FAM107A: variants seen among roughly 807,000 people sequenced by gnomAD.
FAM107A encodes family with sequence similarity 107 member A, also known as actin-associated protein FAM107A.
FAM107A carries 19 observed loss-of-function variants against 13.7 expected under a neutral mutation model. The observed-to-expected ratio is 1.38, with a 90% CI of 0.97 to 2.03. FAM107A has a LOEUF of 2.03. Among genes scored for constraint, FAM107A ranks in the 30% most tolerant of loss-of-function variants. The pLI is 0.00. For missense variants in FAM107A, 203 were observed against 184.4 expected (o/e 1.10, Z -0.58); for synonymous variants, 82 against 74.5 (o/e 1.10, Z -0.52).
chr3:58,583,583 T>C (rs2108059325), intron 1 of FAM107A, among the ~76,000 whole-genome samples: 2 of 151,450 alleles, frequency 1.3e-5, no homozygotes, highest in East Asian at 3.9e-4. Context: ...GATCCCGCCA[T>C]TGCACTCCAC....
chr3:58,612,039 G>A (rs1162995456), intron 1 of FAM107A, among the ~76,000 whole-genome samples: 2 of 151,918 alleles, frequency 1.3e-5, no homozygotes, highest in Non-Finnish European at 1.5e-5. Flanking sequence ...ATCTGACAAG[G>A]CCATGTTCTC....
chr3:58,614,763 C>A (rs2065886236), intron 1 of FAM107A, among the ~76,000 whole-genome samples: 1 of 152,022 alleles, frequency 6.6e-6, no homozygotes, highest in South Asian at 2.1e-4. Context: ...CCTTGGCCTC[C>A]CAAAGTGCTG....
In FAM107A at chr3:58,624,545, C is replaced by A. The variant is rs72876176; in HGVS notation, c.-70+2871G>T. On this transcript the variant is annotated intron_variant, in intron 1 of 3. Transcript: ENST00000465970. ...CCATTACAATGAAATGTCCAGCACTCTCCCTTCCATTGAGTAACAGCCATG... is the reference window on the plus strand; with the variant it reads ...CCATTACAATGAAATGTCCAGCACTATCCCTTCCATTGAGTAACAGCCATG... 2.0e-5 allele frequency among the ~76,000 whole-genome samples: 3 copies of A among 152,326 alleles called. No homozygotes were observed. In the East Asian group the frequency reaches 5.8e-4, roughly 29 times the overall value.
At chr3:58,627,526 C>T (rs2066031437) in exon 1 of FAM107A, 2 of 154,484 alleles carry the variant, frequency 1.3e-5, no homozygotes, top group Admixed American at 1.3e-4. Flanking sequence ...CTGGACAGCC[C>T]CATTAATAAT....
rs901678938 is a variant in FAM107A at position 58,566,408 on chromosome 3, A to G, written c.*180T>C. 1.7e-6 allele frequency: 1 copy of G among 573,684 alleles called. No individual in the cohort carries two copies. Among genetic ancestry groups the G allele is most frequent in the Non-Finnish European group, 3.1e-6 (1 of 325,302 alleles). The allele number at this position is 573,684 out of a possible 1,614,324, so 35.5% of individuals were successfully genotyped here. A position where few individuals can be genotyped will look rare whatever the true frequency, so the allele number is the denominator to read the frequency against. On this transcript the variant is annotated 3_prime_UTR_variant, in exon 4 of 4. Coordinates refer to ENST00000360997, the MANE Select transcript of FAM107A (RefSeq NM_001076778.3). ...TGGGTGCTTGGAAGGAAAACCTAGG[A>G]GCTTAGGGGCCCCAGCCTCCCAGGG...
At chr3:58,589,306 C>T (rs1326231086), upstream of FAM107A, 1 of 1,418,232 alleles carries the variant, frequency 7.1e-7, no homozygotes, top group East Asian at 2.5e-5. Flanking sequence ...GTTGAGGACC[C>T]TTGGTTCTTT....
At chr3:58,592,953 T>G (rs2065666047) in intron 1 of FAM107A, among the ~76,000 whole-genome samples, 1 of 152,196 alleles carries the variant, frequency 6.6e-6, no homozygotes, top group Non-Finnish European at 1.5e-5. Flanking sequence ...AATCTTCTCT[T>G]GCATACTCCA....
At chr3:58,589,916 C>T (rs2364309), upstream of FAM107A, among the ~76,000 whole-genome samples, 62,980 of 152,008 alleles carry the variant, frequency 0.41, 13,692 homozygotes, top group East Asian at 0.5. Flanking sequence ...GTTCCTTTGG[C>T]CTGGACTGCC....
chr3:58,579,545 G>T (rs1324560258), upstream of FAM107A, among the ~76,000 whole-genome samples: 4 of 152,086 alleles, frequency 2.6e-5, no homozygotes, highest in South Asian at 2.1e-4. Flanking sequence ...CTAGATTCTT[G>T]TCAAACCACT....
At chr3:58,614,955 A>G (rs2065887916) in intron 1 of FAM107A, among the ~76,000 whole-genome samples, 1 of 151,544 alleles carries the variant, frequency 6.6e-6, no homozygotes, top group Non-Finnish European at 1.5e-5. Context: ...ACAGGTGCAC[A>G]CTACCACATC....
intron 1 of FAM107A, among the ~76,000 whole-genome samples, chr3:58,586,534 A>T (rs1031351745): frequency 2.6e-5 from 4 of 152,144 alleles, no homozygotes; most frequent in Non-Finnish European, 4.4e-5. Context: ...CAAAAAATTT[A>T]AAAAATTAGC....
At chr3:58,605,353 C>T (rs1575452922) in intron 1 of FAM107A, among the ~76,000 whole-genome samples, 1 of 152,316 alleles carries the variant, frequency 6.6e-6, no homozygotes, top group East Asian at 1.9e-4. Flanking sequence ...TCATGGGGGA[C>T]CCCCACACAG....
intron 1 of FAM107A, among the ~76,000 whole-genome samples, chr3:58,603,300 T>C (rs1166325240): frequency 1.3e-5 from 2 of 152,200 alleles, no homozygotes; most frequent in East Asian, 1.9e-4. Context: ...ATGATGTTCG[T>C]ATACTGAACA....
upstream of FAM107A, among the ~76,000 whole-genome samples, chr3:58,590,029 C>G (rs1334206140): frequency 6.6e-6 from 1 of 152,240 alleles, no homozygotes; most frequent in Non-Finnish European, 1.5e-5. Flanking sequence ...TCTCTTCTCT[C>G]TTTACACTCT....
At chr3:58,595,194 C>T (rs1016480861) in intron 1 of FAM107A, among the ~76,000 whole-genome samples, 3 of 152,058 alleles carry the variant, frequency 2.0e-5, no homozygotes, top group Non-Finnish European at 4.4e-5. Flanking sequence ...CCATACCACC[C>T]CCAAAAATTT....
intron 1 of FAM107A, among the ~76,000 whole-genome samples, chr3:58,596,937 A>G (rs1053042820): frequency 2.0e-5 from 3 of 152,192 alleles, no homozygotes; most frequent in African/African-American, 7.2e-5. Context: ...CTTCACATCA[A>G]TGGAATAATA....
intron 1 of FAM107A, chr3:58,609,100 C>T (rs2306670): frequency 0.21 from 31,954 of 151,912 alleles, 4,060 homozygotes; most frequent in East Asian, 0.59. Context: ...AAGGAGGCCC[C>T]ATGATGCAGG....
chr3:58,591,035 G>T (rs770662638), upstream of FAM107A, among the ~76,000 whole-genome samples: 4 of 152,160 alleles, frequency 2.6e-5, no homozygotes, highest in Non-Finnish European at 5.9e-5. This position sits in a 1 kb window ranked among gnomAD's most constrained non-coding sequence, Gnocchi z 4.3. Context: ...AATTCCATCT[G>T]TTTGTTCCTT....
intron 1 of FAM107A, among the ~76,000 whole-genome samples, chr3:58,601,059 G>A (rs1424862149): frequency 6.6e-6 from 1 of 152,154 alleles, no homozygotes; most frequent in African/African-American, 2.4e-5. Flanking sequence ...AATACACAGT[G>A]CCTGGCACAT....
Sources: gnomAD v4.1 joint callset for allele counts (sites outside exome capture counted in the v4.1 genomes callset) on GRCh38, gnomAD v4.1.1 for gene constraint, Gnocchi (gnomAD v3.1) non-coding constraint, MANE v1.5 for transcripts, NCBI Gene and HGNC (gene_info 2026-07-23, HGNC 2026-07-21) for gene names.